The following CFAP299 variants were observed in gnomAD, a reference collection of about 807,000 sequenced individuals.
The protein encoded by CFAP299 is cilia- and flagella-associated protein 299.
Under a neutral mutation model 27.0 loss-of-function variants are expected in CFAP299, and 21 were observed. That is an observed-to-expected ratio of 0.78 (90% confidence interval 0.55 to 1.12). The LOEUF (loss-of-function observed/expected upper bound fraction) is 1.12, where lower values mean the gene tolerates loss of function less well. CFAP299 is among the 50% of genes most tolerant of loss of function. The pLI, the probability that CFAP299 is intolerant of heterozygous loss-of-function variation, is 0.00. For synonymous variants in CFAP299, 104 were observed against 98.1 expected, an observed-to-expected ratio of 1.06 and a Z score of -0.36; for missense variants, 310 against 276.6, an observed-to-expected ratio of 1.12 and a Z score of -0.86.
intron 2 of CFAP299, among the ~76,000 whole-genome samples, chr4:80,474,939 C>A (rs757905965): frequency 4.6e-5 from 7 of 152,044 alleles, no homozygotes; most frequent in African/African-American, 1.7e-4. Context: ...AAAAAGGTGA[C>A]TGGGTGACTT....
chr4:80,650,696 A>G (rs928117610), intron 3 of CFAP299, among the ~76,000 whole-genome samples: 3 of 152,104 alleles, frequency 2.0e-5, no homozygotes, highest in Non-Finnish European at 4.4e-5. Flanking sequence ...TAGCTTTCCA[A>G]TTTGTATGCT....
chr4:80,858,186 C>T (rs139435258), intron 3 of CFAP299, among the ~76,000 whole-genome samples: 11,229 of 152,156 alleles, frequency 0.074, 563 homozygotes, highest in Middle Eastern at 0.18. Context: ...TTGTCTAGTT[C>T]ATTTGCATAG....
At chr4:80,638,093 T>C (rs1458113139) in intron 3 of CFAP299, among the ~76,000 whole-genome samples, 1 of 152,172 alleles carries the variant, frequency 6.6e-6, no homozygotes, top group Non-Finnish European at 1.5e-5. Flanking sequence ...CAAATCCTTT[T>C]TTATTGACAG....
At chr4:80,693,206 C>CA (rs759433181) in intron 3 of CFAP299, among the ~76,000 whole-genome samples, 5 of 152,008 alleles carry the variant, frequency 3.3e-5, no homozygotes, top group African/African-American at 4.8e-5. Context: ...GGTATATACC[C>CA]AAAGGACTAT....
chr4:80,882,369 T>G (rs1733745600), intron 4 of CFAP299, among the ~76,000 whole-genome samples: 1 of 152,190 alleles, frequency 6.6e-6, no homozygotes, highest in African/African-American at 2.4e-5. Context: ...CCGGGCGCAG[T>G]GGCTCACTCC....
At chr4:80,510,244 A>T (rs1732230412) in intron 2 of CFAP299, among the ~76,000 whole-genome samples, 1 of 152,136 alleles carries the variant, frequency 6.6e-6, no homozygotes, top group Non-Finnish European at 1.5e-5. Context: ...GTTAATTGTC[A>T]TCTGTCTATC....
intron 3 of CFAP299, among the ~76,000 whole-genome samples, chr4:80,700,133 C>T (rs2110026056): frequency 6.6e-6 from 1 of 152,172 alleles, no homozygotes; most frequent in Non-Finnish European, 1.5e-5. Flanking sequence ...TTTCTGATCA[C>T]CATGCTGAAG....
At chr4:80,758,541 C>A (rs774028029) in intron 3 of CFAP299, among the ~76,000 whole-genome samples, 6 of 152,118 alleles carry the variant, frequency 3.9e-5, no homozygotes, top group Non-Finnish European at 1.5e-5. Flanking sequence ...TGGTTCCAGG[C>A]TTGAGAGTGG....
intron 2 of CFAP299, among the ~76,000 whole-genome samples, chr4:80,454,092 G>C (rs1729031256): frequency 6.6e-6 from 1 of 151,992 alleles, no homozygotes; most frequent in African/African-American, 2.4e-5. Flanking sequence ...TGAGGTGACT[G>C]TTAGTGGTTG....
At chr4:80,443,152 T>C (rs536943266) in intron 2 of CFAP299, among the ~76,000 whole-genome samples, 65 of 152,090 alleles carry the variant, frequency 4.3e-4, no homozygotes, top group South Asian at 6.2e-4. Context: ...TTCCAAACAA[T>C]AGAAAGAGAG....
At chr4:80,719,996 G>A (rs190671457) in intron 3 of CFAP299, among the ~76,000 whole-genome samples, 15 of 152,270 alleles carry the variant, frequency 9.9e-5, no homozygotes, top group Admixed American at 3.3e-4. Context: ...TATAAGCCCC[G>A]TGATTGTCCC....
At chr4:80,890,283 C>T (rs554413009) in intron 4 of CFAP299, among the ~76,000 whole-genome samples, 130 of 152,042 alleles carry the variant, frequency 8.6e-4, no homozygotes, top group African/African-American at 2.9e-3. Flanking sequence ...AATAAAGTTG[C>T]GTGATACAAA....
At chr4:80,532,295 G>T (rs1163090978) in intron 2 of CFAP299, among the ~76,000 whole-genome samples, 1 of 152,104 alleles carries the variant, frequency 6.6e-6, no homozygotes. Context: ...CATGTAGAAG[G>T]ATGCAGCATT....
chr4:80,849,849 A>G (rs1731412243), intron 3 of CFAP299, among the ~76,000 whole-genome samples: 1 of 152,140 alleles, frequency 6.6e-6, no homozygotes, highest in Non-Finnish European at 1.5e-5. Flanking sequence ...TGTATATTTT[A>G]AAATAGGTAG....
intron 1 of CFAP299, among the ~76,000 whole-genome samples, chr4:80,343,348 T>C (rs1214773345): frequency 6.6e-6 from 1 of 152,174 alleles, no homozygotes; most frequent in Non-Finnish European, 1.5e-5. Flanking sequence ...TACAGAACTC[T>C]CAACCCAAAC....
At chr4:80,606,844 G>A (rs763661350) in intron 3 of CFAP299, among the ~76,000 whole-genome samples, 4 of 151,510 alleles carry the variant, frequency 2.6e-5, no homozygotes, top group Non-Finnish European at 2.9e-5. Context: ...AAAATTTCAC[G>A]GATAAAAAAA....
intron 2 of CFAP299, among the ~76,000 whole-genome samples, chr4:80,428,960 C>T (rs952206024): frequency 2.6e-5 from 4 of 152,112 alleles, no homozygotes; most frequent in Non-Finnish European, 5.9e-5. Flanking sequence ...TCCAGTAAAT[C>T]AGATTCATTC....
At chr4:80,921,661 G>T (rs961458370) in intron 4 of CFAP299, among the ~76,000 whole-genome samples, 1 of 152,018 alleles carries the variant, frequency 6.6e-6, no homozygotes, top group Non-Finnish European at 1.5e-5. Flanking sequence ...CTCATTCAAA[G>T]AAATTTGTCC....
chr4:80,874,666 G>A (rs1733279340), intron 4 of CFAP299, among the ~76,000 whole-genome samples: 1 of 152,098 alleles, frequency 6.6e-6, no homozygotes, highest in African/African-American at 2.4e-5. Context: ...CATTTCTGAG[G>A]CAGAAGTATC....
Sources: gnomAD v4.1 joint callset for allele counts (sites outside exome capture counted in the v4.1 genomes callset) on GRCh38, gnomAD v4.1.1 for gene constraint, MANE v1.5 for transcripts, NCBI Gene and HGNC (gene_info 2026-07-23, HGNC 2026-07-21) for gene names.